The following PCDHGB6 variants were observed in gnomAD, a reference collection of about 807,000 sequenced individuals.
PCDHGB6 encodes the protein protocadherin gamma subfamily B, 6, also known as protocadherin gamma-B6.
Under a neutral mutation model 59.1 loss-of-function variants are expected in PCDHGB6, and 51 were observed. That is an observed-to-expected ratio of 0.86 (90% CI 0.69 to 1.09). The LOEUF is 1.09. PCDHGB6 is among the 50% of genes least tolerant of loss of function. The probability of loss-of-function intolerance (pLI) is 0.00; values close to 1 mark genes in which losing one functional copy is unlikely to be tolerated. For synonymous variants in PCDHGB6, 466 were observed against 495.1 expected (o/e 0.94, Z 0.78); for missense variants, 1,148 against 1,205.1 (o/e 0.95, Z 0.70).
At chr5:141,504,113 C>A (rs568207803) in intron 2 of PCDHGB6, among the ~76,000 whole-genome samples, 1 of 152,220 alleles carries the variant, frequency 6.6e-6, no homozygotes, top group Non-Finnish European at 1.5e-5. Flanking sequence ...TGTGTGTGTG[C>A]CAGGGCTGTT....
intron 1 of PCDHGB6, among the ~76,000 whole-genome samples, chr5:141,469,667 T>C (rs62379201): frequency 0.22 from 32,952 of 152,218 alleles, 3,707 homozygotes; most frequent in African/African-American, 0.28. Flanking sequence ...CTTGTTCTAA[T>C]AAAACTACAT....
At chr5:141,469,191 G>A (rs1431459571) in intron 1 of PCDHGB6, among the ~76,000 whole-genome samples, 1 of 151,882 alleles carries the variant, frequency 6.6e-6, no homozygotes, top group Admixed American at 6.6e-5. Flanking sequence ...CAAGAGGATT[G>A]CTTGAGCCTT....
chr5:141,444,410 A>G (rs2098435910), intron 1 of PCDHGB6, among the ~76,000 whole-genome samples: 1 of 151,922 alleles, frequency 6.6e-6, no homozygotes, highest in African/African-American at 2.4e-5. Flanking sequence ...ACCTCAGGTG[A>G]TCTTCCCTCC....
At chr5:141,417,680 A>G (rs1236124418) in intron 1 of PCDHGB6, 21 of 1,016,072 alleles carry the variant, frequency 2.1e-5, no homozygotes, top group Non-Finnish European at 2.9e-5. Context: ...AGCCAACAAC[A>G]GAAAAGAAAA....
At chr5:141,470,038 A>C (rs1256439782) in intron 1 of PCDHGB6, among the ~76,000 whole-genome samples, 1 of 152,204 alleles carries the variant, frequency 6.6e-6, no homozygotes, top group Non-Finnish European at 1.5e-5. Flanking sequence ...CTGAGGCGCG[A>C]GAACTGTTTG....
At chr5:141,438,053 C>T (rs1023159995) in intron 1 of PCDHGB6, among the ~76,000 whole-genome samples, 2 of 152,112 alleles carry the variant, frequency 1.3e-5, no homozygotes, top group African/African-American at 4.8e-5. Context: ...TTTGAGTTCA[C>T]TTTTAAGAAA....
At chr5:141,497,465 G>A (rs189158903) in intron 2 of PCDHGB6, among the ~76,000 whole-genome samples, 1 of 152,024 alleles carries the variant, frequency 6.6e-6, no homozygotes, top group East Asian at 1.9e-4. Flanking sequence ...TTGGAGATAT[G>A]GAGGAGAAGG....
At chr5:141,449,658 C>T (rs1413506303) in intron 1 of PCDHGB6, among the ~76,000 whole-genome samples, 5 of 149,582 alleles carry the variant, frequency 3.3e-5, no homozygotes, top group Admixed American at 3.3e-4. Flanking sequence ...TTTACATACA[C>T]ACCCAAGTGT....
At chr5:141,419,261 G>C (rs758952830) in intron 1 of PCDHGB6, 16 of 1,613,982 alleles carry the variant, frequency 9.9e-6, no homozygotes, top group Non-Finnish European at 1.3e-5. Context: ...CAACCAGCCG[G>C]GTGCCTCCAT....
intron 2 of PCDHGB6, among the ~76,000 whole-genome samples, chr5:141,503,072 C>T (rs2099817948): frequency 6.6e-6 from 1 of 151,728 alleles, no homozygotes; most frequent in Non-Finnish European, 1.5e-5. Flanking sequence ...TCAGAATGGT[C>T]TCGATCTCCT....
rs1036344847 is a variant in PCDHGB6 at position 141,424,050 on chromosome 5, C to G, written c.2418+13430C>G. 9.9e-6 allele frequency: 10 copies of G among 1,014,084 alleles called. No homozygotes were observed. The African/African-American group carries it at 1.6e-4, about 16-fold the overall frequency. The allele number at this position is 1,014,084 out of a possible 1,614,324, so 62.8% of individuals were successfully genotyped here. A position where few individuals can be genotyped will look rare whatever the true frequency, so the allele number is the denominator to read the frequency against. ...ACTTTTTATTTCCATTTCAATTTTG[C>G]TGTGCCTTCACTGATTTGTAGTTAT... On this transcript the variant is annotated intron_variant, in intron 1 of 3. Coordinates refer to ENST00000520790, the MANE Select transcript of PCDHGB6 (RefSeq NM_018926.3).
chr5:141,432,946 A>G lies in PCDHGB6; in HGVS notation c.2418+22326A>G. 2 of 1,614,130 alleles carry G rather than the reference A, an allele frequency of 1.2e-6. No individual in the cohort carries two copies. The highest frequency in any genetic ancestry group is 1.1e-5 in the South Asian group (1 of 91,080). ...AGTCACGCCTGCTGCAGGCTTCAGG[A>G]GGCGGCTTGACAGGAGCGCCGGCGT... is the stretch of plus-strand genomic sequence containing the variant. On this transcript the variant is annotated intron_variant, in intron 1 of 3. Coordinates refer to ENST00000520790, the MANE Select transcript of PCDHGB6 (RefSeq NM_018926.3). This position sits in a 1 kb window ranked among gnomAD's most constrained non-coding sequence, Gnocchi z 6.0.
At chr5:141,447,613 A>G (rs1169186870) in intron 1 of PCDHGB6, among the ~76,000 whole-genome samples, 1 of 152,186 alleles carries the variant, frequency 6.6e-6, no homozygotes, top group Admixed American at 6.5e-5. Context: ...TTAGCATTTT[A>G]AAGTTGAAAC....
intron 1 of PCDHGB6, among the ~76,000 whole-genome samples, chr5:141,462,086 A>G (rs993185274): frequency 6.6e-6 from 1 of 151,408 alleles, no homozygotes; most frequent in Non-Finnish European, 1.5e-5. Flanking sequence ...GCCTCCCAAA[A>G]TGCTGGGATT....
In PCDHGB6 at chr5:141,408,089, G is replaced by C; in HGVS notation, c.-114G>C. On this transcript the variant is annotated 5_prime_UTR_variant, in exon 1 of 4. Transcript: ENST00000520790. Reference sequence around the variant, plus strand: ...CAGACCTTTCCCAGCACAGCGGATTGCCAGCTCCGAGACCCGGGACTCCTC... The same window carrying C: ...CAGACCTTTCCCAGCACAGCGGATTCCCAGCTCCGAGACCCGGGACTCCTC... The C allele has an allele frequency of 7.0e-7, 1 of 1,424,386 alleles. No individual in the cohort carries two copies. Among genetic ancestry groups the C allele is most frequent in the Non-Finnish European group, 9.2e-7 (1 of 1,081,848 alleles). The allele number at this position is 1,424,386 out of a possible 1,614,324, so 88.2% of individuals were successfully genotyped here. A position where few individuals can be genotyped will look rare whatever the true frequency, so the allele number is the denominator to read the frequency against.
At chr5:141,421,060 A>C (rs1394861719) in intron 1 of PCDHGB6, 3 of 579,718 alleles carry the variant, frequency 5.2e-6, no homozygotes, top group Non-Finnish European at 8.8e-6. Context: ...TACCACACAA[A>C]GCGGAATGAG....
intron 1 of PCDHGB6, chr5:141,423,189 T>A (rs2096719374): frequency 1.2e-6 from 2 of 1,613,562 alleles, no homozygotes; most frequent in Non-Finnish European, 8.5e-7. Flanking sequence ...GCCAGCCCCC[T>A]CTCTCGGCCA....
In PCDHGB6 at chr5:141,430,843, C is replaced by T. The variant is rs1370427603; in HGVS notation, c.2418+20223C>T. 2.6e-6 allele frequency: 4 copies of T among 1,568,356 alleles called. No homozygotes were observed. The African/African-American group carries it at 4.1e-5, about 16-fold the overall frequency. On this transcript the variant is annotated intron_variant, in intron 1 of 3. Coordinates refer to ENST00000520790, the MANE Select transcript of PCDHGB6 (RefSeq NM_018926.3). ...TGGGGACTCTGTGGGAGACCGGATG[C>T]ACCCAGATACGCTATTCAGTTCCGG...
chr5:141,426,270 G>A lies in PCDHGB6; in HGVS notation c.2418+15650G>A, dbSNP rs999517850. On this transcript the variant is annotated intron_variant, in intron 1 of 3. Coordinates refer to ENST00000520790, the MANE Select transcript of PCDHGB6 (RefSeq NM_018926.3). Reference sequence around the variant, plus strand: ...TTTTCTCTTAACGTCGGAGACTGCAGCAACGCATGGGAAGGATGGGAAACA... The same window carrying A: ...TTTTCTCTTAACGTCGGAGACTGCAACAACGCATGGGAAGGATGGGAAACA... 2.6e-4 allele frequency: 43 copies of A among 163,626 alleles called. 1 individual carries two copies. The highest frequency in any genetic ancestry group is 3.0e-3 in the Middle Eastern group (1 of 328). 10.1% of individuals were successfully genotyped at this position (163,626 alleles called of 1,614,324 possible).
Sources: allele counts gnomAD v4.1 joint callset (sites outside exome capture counted in the v4.1 genomes callset), GRCh38; gene constraint gnomAD v4.1.1; non-coding constraint Gnocchi (gnomAD v3.1); transcripts MANE v1.5; gene names NCBI Gene and HGNC (gene_info 2026-07-23, HGNC 2026-07-21).